FAM149B1: variants seen among roughly 807,000 people sequenced by gnomAD.
FAM149B1 encodes the protein family with sequence similarity 149 member B1, also known as primary cilium assembly protein FAM149B1.
Under a neutral mutation model 75.3 loss-of-function variants are expected in FAM149B1, and 56 were observed. That is an observed-to-expected ratio of 0.74 (90% CI 0.60 to 0.93). FAM149B1 has a LOEUF of 0.93. Ranked by LOEUF, FAM149B1 falls within the 40% of genes least tolerant of loss-of-function variation. The probability of loss-of-function intolerance (pLI) is 0.00; values close to 1 mark genes in which losing one functional copy is unlikely to be tolerated. For synonymous variants in FAM149B1, 259 were observed against 256.1 expected (o/e 1.01, Z -0.11); for missense variants, 639 against 708.4 (o/e 0.90, Z 1.11).
Position 73,243,231 on chromosome 10 carries a change from A to G in FAM149B1, c.*2212A>G. The G allele has an allele frequency of 2.9e-6, 2 of 681,182 alleles. No homozygotes were observed. The highest frequency in any genetic ancestry group is 2.8e-5 in the Admixed American group (1 of 36,250). The allele number at this position is 681,182 out of a possible 1,614,324, so 42.2% of individuals were successfully genotyped here. ...CAATGTCAAGTGCTTTCTAGGAAAT[A>G]CTAAGATCAGGTTGAGAGATTCTGC... On this transcript the variant is annotated 3_prime_UTR_variant, in exon 14 of 14. Coordinates refer to ENST00000242505, the MANE Select transcript of FAM149B1 (RefSeq NM_173348.2).
At chr10:73,174,189 A>G (rs1204031980) in intron 1 of FAM149B1, among the ~76,000 whole-genome samples, 1 of 152,216 alleles carries the variant, frequency 6.6e-6, no homozygotes, top group Non-Finnish European at 1.5e-5. Context: ...CAAGAGTGCA[A>G]CTGCTAGGGC....
chr10:73,213,094 G>A (rs1483968804), intron 7 of FAM149B1, among the ~76,000 whole-genome samples: 6 of 152,244 alleles, frequency 3.9e-5, no homozygotes, highest in African/African-American at 1.2e-4. Context: ...CGATCTGCCC[G>A]TCTTGGCCTC....
chr10:73,235,613 T>TAATAAGCAGA lies in FAM149B1; in HGVS notation c.1602+295_1602+296insAATAAGCAGA, dbSNP rs1182302354. 4 of 389,712 alleles carry TAATAAGCAGA rather than the reference T, an allele frequency of 1.0e-5. No homozygotes were observed. The East Asian group carries it at 3.0e-4, about 29-fold the overall frequency. 24.1% of individuals were successfully genotyped at this position (389,712 alleles called of 1,614,324 possible). A position where few individuals can be genotyped will look rare whatever the true frequency, so the allele number is the denominator to read the frequency against. On this transcript the variant is annotated intron_variant, in intron 12 of 13. Transcript: ENST00000242505. ...CCAGTACACATCAGATAAGCATAAC[T>TAATAAGCAGA]TTATTATGTAATCCTGTTCTTCTGG...
intron 9 of FAM149B1, among the ~76,000 whole-genome samples, chr10:73,232,236 C>A (rs1396401319): frequency 6.6e-6 from 1 of 152,134 alleles, no homozygotes; most frequent in African/African-American, 2.4e-5. Flanking sequence ...AAATACACAC[C>A]TGAATCTGTA....
intron 5 of FAM149B1, among the ~76,000 whole-genome samples, chr10:73,195,634 CAGTT>C (rs1282023110): frequency 6.6e-6 from 1 of 152,158 alleles, no homozygotes; most frequent in Non-Finnish European, 1.5e-5. Flanking sequence ...CAAGTCTGAG[CAGTT>C]AGTTCATCCT....
At chr10:73,218,019 T>A (rs2043333715) in intron 7 of FAM149B1, among the ~76,000 whole-genome samples, 1 of 152,200 alleles carries the variant, frequency 6.6e-6, no homozygotes, top group Non-Finnish European at 1.5e-5. Flanking sequence ...ACAGGTTCTA[T>A]ACACAATTTC....
chr10:73,216,454 G>A (rs2043301405), intron 7 of FAM149B1, among the ~76,000 whole-genome samples: 1 of 151,850 alleles, frequency 6.6e-6, no homozygotes, highest in South Asian at 2.1e-4. Flanking sequence ...TTTTTGAGTT[G>A]TTTTATAAAT....
In FAM149B1 at chr10:73,233,133, C is replaced by A; in HGVS notation, c.1322C>A (p.Ser441Tyr). The change falls in exon 10 of 14, where the codon TCT (serine) becomes TAT (tyrosine). Residue 441 changes from serine (S) to tyrosine (Y), a missense_variant. Coordinates refer to ENST00000242505, the MANE Select transcript of FAM149B1 (RefSeq NM_173348.2). ...TSHSCAETPR[S>Y]VEEILRGARV... ...CATTCATGTGCTGAAACACCAAGAT[C>A]TGTGGAAGAAATCCTCAGAGGAGCC... The A allele has an allele frequency of 6.4e-7, 1 of 1,551,732 alleles. No homozygotes were observed. The highest frequency in any genetic ancestry group is 8.7e-7 in the Non-Finnish European group (1 of 1,146,980).
rs2133423133 is a variant in FAM149B1 at position 73,242,418 on chromosome 10, A to G, written c.*1399A>G. ...TATGGCTTGCCTTTCAAAGTTAAAG[A>G]ATCAGAAAGGGGCCTGTAAGAAGTC... On this transcript the variant is annotated 3_prime_UTR_variant, in exon 14 of 14. Transcript: ENST00000242505. The G allele has an allele frequency of 6.6e-6, 1 of 150,646 alleles. No homozygotes were observed. Among genetic ancestry groups the G allele is most frequent in the Non-Finnish European group, 1.5e-5 (1 of 67,762 alleles). The allele number at this position is 150,646 out of a possible 1,614,324, so 9.3% of individuals were successfully genotyped here.
chr10:73,217,260 G>A (rs1333039269), intron 7 of FAM149B1, among the ~76,000 whole-genome samples: 1 of 152,168 alleles, frequency 6.6e-6, no homozygotes, highest in African/African-American at 2.4e-5. Flanking sequence ...GAGCACTATT[G>A]TACAAGAAAT....
chr10:73,204,897 C>T (rs1423705197), intron 5 of FAM149B1, among the ~76,000 whole-genome samples: 38 of 141,352 alleles, frequency 2.7e-4, no homozygotes, highest in African/African-American at 9.7e-4. Flanking sequence ...CCTGCCTCAG[C>T]CTCCCAAAGT....
Position 73,233,007 on chromosome 10 carries a change from A to G in FAM149B1, c.1196A>G (p.Asn399Ser). The change falls in exon 10 of 14, where the codon AAT (asparagine) becomes AGT (serine). Residue 399 changes from asparagine (N) to serine (S), a missense_variant. Physicochemically the swap from Asn to Ser is conservative, Grantham distance 46. Coordinates refer to ENST00000242505, the MANE Select transcript of FAM149B1 (RefSeq NM_173348.2). ...STILSTRNWP[N>S]RAVEFSTSSL... The stretch of plus-strand genomic sequence containing the variant: ...ATCCTTTCAACTCGAAATTGGCCAA[A>G]TCGAGCTGTGGAGTTTAGTACATCA... The G allele has an allele frequency of 6.4e-7, 1 of 1,552,002 alleles. No individual in the cohort carries two copies. The highest frequency in any genetic ancestry group is 2.4e-5 in the East Asian group (1 of 40,910).
In FAM149B1 at chr10:73,177,993, A is replaced by G; in HGVS notation, c.282+18A>G. The G allele has an allele frequency of 6.5e-7, 1 of 1,531,990 alleles. No homozygotes were observed. The highest frequency in any genetic ancestry group is 1.2e-5 in the South Asian group (1 of 81,466). The allele number at this position is 1,531,990 out of a possible 1,614,324, so 94.9% of individuals were successfully genotyped here. On this transcript the variant is annotated intron_variant, in intron 3 of 13. Transcript: ENST00000242505. The stretch of plus-strand genomic sequence containing the variant: ...GATATGGTGTGAGTTATATGTTATC[A>G]GTCTGATAGAGTGCTTGGGAGATGA...
At chr10:73,230,397 A>T in intron 8 of FAM149B1, 25 bp from the exon 9 acceptor site, 1 of 1,253,498 alleles carries the variant, frequency 8.0e-7, no homozygotes, top group Non-Finnish European at 1.1e-6. Context: ...ACCGATCAAG[A>T]GTACTGTCTT....
chr10:73,181,731 G>A (rs563835833), intron 3 of FAM149B1, among the ~76,000 whole-genome samples: 5 of 152,286 alleles, frequency 3.3e-5, no homozygotes, highest in East Asian at 3.9e-4. Context: ...GCTGTTAGGC[G>A]AAATCTTCTG....
chr10:73,235,097 T>A, intron 11 of FAM149B1, 96 bp from the exon 12 acceptor site: 2 of 1,457,930 alleles, frequency 1.4e-6, no homozygotes, highest in Non-Finnish European at 1.9e-6. Flanking sequence ...CTGTTTGGCC[T>A]GCACTTACCA....
chr10:73,240,703 G>C (rs1348936733), intron 13 of FAM149B1, among the ~76,000 whole-genome samples: 1 of 147,382 alleles, frequency 6.8e-6, no homozygotes, highest in Non-Finnish European at 1.5e-5. Flanking sequence ...GACAGAGTGA[G>C]ACTCCACCTC....
intron 6 of FAM149B1, among the ~76,000 whole-genome samples, chr10:73,209,379 C>T (rs538649050): frequency 1.6e-4 from 25 of 151,884 alleles, no homozygotes; most frequent in African/African-American, 5.8e-4. Flanking sequence ...ACCCGGGAGG[C>T]GGAGGTTGCA....
At chr10:73,220,131 A>G (rs139792991) in intron 7 of FAM149B1, among the ~76,000 whole-genome samples, 2 of 152,202 alleles carry the variant, frequency 1.3e-5, no homozygotes, top group East Asian at 3.9e-4. Flanking sequence ...ATGGTCAATA[A>G]GCACATGAAA....
Sources: allele counts gnomAD v4.1 joint callset (sites outside exome capture counted in the v4.1 genomes callset), GRCh38; gene constraint gnomAD v4.1.1; transcripts MANE v1.5; gene names NCBI Gene and HGNC (gene_info 2026-07-23, HGNC 2026-07-21).